Variants in LIAS observed in about 807,000 individuals in gnomAD.
The protein encoded by LIAS is lipoyl synthase, mitochondrial.
LIAS carries 36 observed loss-of-function variants against 49.4 expected under a neutral mutation model. That is an observed-to-expected ratio of 0.73 (90% confidence interval 0.56 to 0.96). LIAS has a LOEUF of 0.96. Among genes scored for constraint, LIAS ranks in the 40% least tolerant of loss-of-function variants. The pLI is 0.00. For missense variants in LIAS, 399 were observed against 456.3 expected, an observed-to-expected ratio of 0.87 and a Z score of 1.14; for synonymous variants, 145 against 155.8, an observed-to-expected ratio of 0.93 and a Z score of 0.52.
intron 9 of LIAS, among the ~76,000 whole-genome samples, chr4:39,472,607 C>T (rs760367943): frequency 4.6e-5 from 7 of 151,980 alleles, no homozygotes; most frequent in Admixed American, 1.3e-4. Flanking sequence ...GAGCCAGAGG[C>T]GAAGAAAGAA....
chr4:39,470,896 A>ATT (rs2109883995), intron 8 of LIAS, among the ~76,000 whole-genome samples: 1 of 151,878 alleles, frequency 6.6e-6, no homozygotes, highest in East Asian at 1.9e-4. Flanking sequence ...ATATAGGTGC[A>ATT]TTGAGGTTTT....
rs1745267126 is a variant in LIAS at position 39,478,132 on chromosome 4, A to G, written c.*1017A>G. The G allele has an allele frequency of 6.6e-6, 1 of 152,266 alleles. No homozygotes were observed. Among genetic ancestry groups the G allele is most frequent in the Non-Finnish European group, 1.5e-5 (1 of 68,052 alleles). The allele number at this position is 152,266 out of a possible 1,614,324, so 9.4% of individuals were successfully genotyped here. ...TCAGTTTAGCATTTCATTCAACTTT[A>G]GCATTCATTCAACGTAGATTGAAAC... On this transcript the variant is annotated 3_prime_UTR_variant, in exon 11 of 11. Transcript: ENST00000640888.
intron 10 of LIAS, among the ~76,000 whole-genome samples, chr4:39,474,343 G>A (rs999800984): frequency 6.6e-6 from 1 of 151,776 alleles, no homozygotes; most frequent in African/African-American, 2.4e-5. Context: ...AAGGCAGTTG[G>A]ATTACTTGAG....
rs539715503 is a variant in LIAS at position 39,468,615 on chromosome 4, A to T, written c.737+969A>T. ...GATGCAGAAGAAAAACTCGTGGCTCACGCCTATAATCCTAGCACTTTGGGA... is the reference window on the plus strand; with the variant it reads ...GATGCAGAAGAAAAACTCGTGGCTCTCGCCTATAATCCTAGCACTTTGGGA... On this transcript the variant is annotated intron_variant, in intron 7 of 10. Transcript: ENST00000640888. Among the ~76,000 whole-genome samples, 7 of 147,786 alleles carry T rather than the reference A, an allele frequency of 4.7e-5. No homozygotes were observed. In the South Asian group the frequency reaches 8.5e-4, roughly 18 times the overall value.
chr4:39,471,374 C>G, intron 9 of LIAS, 68 bp downstream of exon 9: 1 of 1,263,808 alleles, frequency 7.9e-7, no homozygotes, highest in Non-Finnish European at 1.1e-6. Context: ...GCTCTTGTCG[C>G]CTGAGCTGGA....
At chr4:39,468,580 T>G (rs1283018058) in intron 7 of LIAS, among the ~76,000 whole-genome samples, 1 of 145,386 alleles carries the variant, frequency 6.9e-6, no homozygotes, top group African/African-American at 2.5e-5. Flanking sequence ...CACTAATATG[T>G]GTAATAAATG....
intron 7 of LIAS, 81 bp from the exon 8 acceptor site, chr4:39,469,938 C>G (rs1259355290): frequency 2.3e-6 from 3 of 1,288,306 alleles, no homozygotes; most frequent in Non-Finnish European, 1.1e-6. Flanking sequence ...ATGTACTTCT[C>G]TGGTCTTTCA....
Position 39,477,549 on chromosome 4 carries a change from A to C in LIAS, c.*434A>C, listed in dbSNP as rs1282373340. On this transcript the variant is annotated 3_prime_UTR_variant, in exon 11 of 11. Coordinates refer to ENST00000640888, the MANE Select transcript of LIAS (RefSeq NM_006859.4). ...CATCTCAAATAAATAAAAAGGAAAA[A>C]AAAGTCAATAAACTGTACAAATTTA... 6.4e-6 allele frequency: 1 copy of C among 156,250 alleles called. No individual in the cohort carries two copies. The highest frequency in any genetic ancestry group is 1.4e-5 in the Non-Finnish European group (1 of 71,202). The allele number at this position is 156,250 out of a possible 1,614,324, so 9.7% of individuals were successfully genotyped here. A position where few individuals can be genotyped will look rare whatever the true frequency, so the allele number is the denominator to read the frequency against.
rs1745271083 is a variant in LIAS at position 39,478,212 on chromosome 4, AGT to A, written c.*1099_*1100del. 1 of 151,886 alleles carries A rather than the reference AGT, an allele frequency of 6.6e-6. No individual in the cohort carries two copies. Among genetic ancestry groups the A allele is most frequent in the South Asian group, 2.1e-4 (1 of 4,830 alleles). 9.4% of individuals were successfully genotyped at this position (151,886 alleles called of 1,614,324 possible). On this transcript the variant is annotated 3_prime_UTR_variant, in exon 11 of 11. Transcript: ENST00000640888. ...TTGGAATAATTTAGAAAGGCTTAAGAGTGAATGTTGGCCAGATGTGGTGGCTC... is the reference window on the plus strand; with the variant it reads ...TTGGAATAATTTAGAAAGGCTTAAGAGAATGTTGGCCAGATGTGGTGGCTC...
chr4:39,470,577 A>C (rs1354919117), intron 8 of LIAS: 1 of 165,634 alleles, frequency 6.0e-6, no homozygotes, highest in Admixed American at 5.6e-5. Flanking sequence ...TACTTGTAGC[A>C]TTGTCACATA....
intron 8 of LIAS, 143 bp downstream of exon 8, chr4:39,470,307 C>A: frequency 1.9e-6 from 1 of 532,542 alleles, no homozygotes; most frequent in Non-Finnish European, 3.2e-6. Context: ...CTTGCACATG[C>A]ACCCTCAAAT....
chr4:39,462,216 T>C lies in LIAS; in HGVS notation c.239T>C (p.Leu80Pro). The change falls in exon 3 of 11, where the codon CTA (leucine) becomes CCA (proline). Residue 80 changes from leucine (L) to proline (P), a missense_variant. This residue lies in a region of LIAS where 159 missense variants were observed against 147.6 expected (regional missense o/e 1.08). Coordinates refer to ENST00000640888, the MANE Select transcript of LIAS (RefSeq NM_006859.4). ...KGERLRLPPW[L>P]KTEIPMGKNY... Reference sequence around the variant, plus strand: ...CTTAGGTTAAGACTACCTCCATGGCTAAAGACAGAGATTCCCATGGGGAAA... The same window carrying C: ...CTTAGGTTAAGACTACCTCCATGGCCAAAGACAGAGATTCCCATGGGGAAA... 6.4e-7 allele frequency: 1 copy of C among 1,558,510 alleles called. No homozygotes were observed. Among genetic ancestry groups the C allele is most frequent in the Middle Eastern group, 1.7e-4 (1 of 5,844 alleles).
intron 1 of LIAS, among the ~76,000 whole-genome samples, chr4:39,459,875 G>A (rs922301955): frequency 6.6e-5 from 10 of 151,752 alleles, no homozygotes; most frequent in African/African-American, 2.4e-4. Flanking sequence ...CAGGAGAATC[G>A]CTTGAACCCG....
intron 3 of LIAS, 97 bp from the exon 4 acceptor site, chr4:39,463,428 A>G (rs1186445104): frequency 1.4e-6 from 2 of 1,393,194 alleles, no homozygotes; most frequent in African/African-American, 1.5e-5. Context: ...AATATGTTGT[A>G]AACAATGAGA....
chr4:39,466,981 C>T (rs1744782051), intron 6 of LIAS: 1 of 152,110 alleles, frequency 6.6e-6, no homozygotes, highest in African/African-American at 2.4e-5. Context: ...GCTCGTACTT[C>T]GTTTAACAAA....
At chr4:39,476,799 G>C (rs1207239709) in intron 10 of LIAS, 3 of 391,978 alleles carry the variant, frequency 7.7e-6, no homozygotes, top group African/African-American at 2.1e-5. Flanking sequence ...CATATATACA[G>C]TAGGGTCACC....
chr4:39,469,036 A>C (rs1333860459), intron 7 of LIAS: 1 of 152,198 alleles, frequency 6.6e-6, no homozygotes, highest in African/African-American at 2.4e-5. Context: ...CATCCATTCA[A>C]ATTTTAGAAA....
At chr4:39,473,009 G>A in intron 9 of LIAS, 91 bp from the exon 10 acceptor site, 1 of 727,224 alleles carries the variant, frequency 1.4e-6, no homozygotes, top group East Asian at 2.7e-5. Flanking sequence ...AAATTACGCA[G>A]TGAAGAGCAT....
In LIAS at chr4:39,463,627, A is replaced by G. The variant is rs1405463502; in HGVS notation, c.393+22A>G. The G allele has an allele frequency of 4.4e-6, 7 of 1,605,542 alleles. No homozygotes were observed. In the Admixed American group the frequency reaches 6.8e-5, roughly 16 times the overall value. Reference sequence around the variant, plus strand: ...CATGGTAGGGCCAGCCTCAACCTCTATGGCTTTAGTCTAGAAACTGAAAGG... The same window carrying G: ...CATGGTAGGGCCAGCCTCAACCTCTGTGGCTTTAGTCTAGAAACTGAAAGG... On this transcript the variant is annotated intron_variant, in intron 4 of 10. Coordinates refer to ENST00000640888, the MANE Select transcript of LIAS (RefSeq NM_006859.4).
Sources: gnomAD v4.1 joint callset for allele counts (sites outside exome capture counted in the v4.1 genomes callset) on GRCh38, gnomAD v4.1.1 for gene constraint, gnomAD v4.1.1 regional missense constraint, MANE v1.5 for transcripts, NCBI Gene and HGNC (gene_info 2026-07-23, HGNC 2026-07-21) for gene names.